The following SCGB2B2 variants were observed in gnomAD, a reference collection of about 807,000 sequenced individuals.
The protein encoded by SCGB2B2 is secretoglobin-like protein.
In SCGB2B2, 11 loss-of-function variants were observed where a neutral mutation model predicts 7.6. That is an observed-to-expected ratio of 1.45 (90% CI 0.91 to 2.40). The LOEUF is 2.40. Among genes scored for constraint, SCGB2B2 ranks in the 30% most tolerant of loss-of-function variants. SCGB2B2 has a pLI of 0.00. For missense variants in SCGB2B2, 104 were observed against 115.4 expected (o/e 0.90, Z 0.45); for synonymous variants, 50 against 48.6 (o/e 1.03, Z -0.12).
chr19:34,607,941 C>CT (rs915745954), intron 1 of SCGB2B2, among the ~76,000 whole-genome samples: 2 of 151,644 alleles, frequency 1.3e-5, no homozygotes, highest in East Asian at 1.9e-4. Flanking sequence ...GCTTTTTGAG[C>CT]TTTTTTGTGA....
intron 1 of SCGB2B2, among the ~76,000 whole-genome samples, chr19:34,598,006 C>T (rs1161919689): frequency 6.6e-6 from 1 of 152,012 alleles, no homozygotes; most frequent in East Asian, 1.9e-4. Flanking sequence ...GGGGAGACTG[C>T]TCCCACTGCT....
intron 1 of SCGB2B2, among the ~76,000 whole-genome samples, chr19:34,636,951 C>G (rs7253308): frequency 1.3e-5 from 2 of 152,048 alleles, no homozygotes; most frequent in Non-Finnish European, 2.9e-5. Context: ...GGGAAAGACA[C>G]GACAGGTGAG....
At chr19:34,629,689 T>C (rs1230680868) in intron 1 of SCGB2B2, among the ~76,000 whole-genome samples, 1 of 151,994 alleles carries the variant, frequency 6.6e-6, no homozygotes, top group African/African-American at 2.4e-5. Flanking sequence ...AATGGGCATA[T>C]TGCCCAAGGT....
At chr19:34,600,943 A>G (rs1353323626) in intron 1 of SCGB2B2, among the ~76,000 whole-genome samples, 2 of 135,148 alleles carry the variant, frequency 1.5e-5, no homozygotes, top group African/African-American at 5.4e-5. Context: ...GTGTGTGTGC[A>G]TTTTGTTTAT....
chr19:34,610,107 C>T (rs1275208266), intron 1 of SCGB2B2, among the ~76,000 whole-genome samples: 2 of 151,768 alleles, frequency 1.3e-5, no homozygotes, highest in Non-Finnish European at 2.9e-5. Context: ...TCTTCCTTTA[C>T]TAATTTGTTG....
intron 1 of SCGB2B2, among the ~76,000 whole-genome samples, chr19:34,644,367 T>TG (rs1273589126): frequency 2.0e-5 from 3 of 150,294 alleles, no homozygotes; most frequent in Non-Finnish European, 3.0e-5. Context: ...TTTTTGTTTT[T>TG]TTTTTTTTAC....
chr19:34,641,517 A>G (rs557694278), intron 1 of SCGB2B2, among the ~76,000 whole-genome samples: 1 of 152,324 alleles, frequency 6.6e-6, no homozygotes, highest in East Asian at 1.9e-4. Context: ...GGCTGTCTCC[A>G]TATCTTGAGT....
intron 1 of SCGB2B2, among the ~76,000 whole-genome samples, chr19:34,616,586 C>T: frequency 7.2e-6 from 1 of 139,574 alleles, no homozygotes; most frequent in African/African-American, 2.6e-5. Flanking sequence ...TGGATATTAG[C>T]CCTTTGTCAG....
chr19:34,662,967 A>C (rs1405949345), intron 1 of SCGB2B2, among the ~76,000 whole-genome samples: 5 of 152,114 alleles, frequency 3.3e-5, no homozygotes, highest in African/African-American at 9.7e-5. Flanking sequence ...AACAAAAAAA[A>C]ACAATAAAAG....
chr19:34,603,084 T>C (rs1225410925), intron 1 of SCGB2B2, among the ~76,000 whole-genome samples: 1 of 152,240 alleles, frequency 6.6e-6, no homozygotes, highest in Admixed American at 6.5e-5. Context: ...GAGGACTGCA[T>C]GGCCACCAGC....
At chr19:34,665,468 T>A (rs570627640) in intron 1 of SCGB2B2, among the ~76,000 whole-genome samples, 4 of 152,002 alleles carry the variant, frequency 2.6e-5, no homozygotes, top group African/African-American at 7.2e-5. Flanking sequence ...ATCCCCCATG[T>A]CCCCAAGGCT....
chr19:34,621,374 G>GT (rs1373677010), intron 1 of SCGB2B2, among the ~76,000 whole-genome samples: 1 of 152,006 alleles, frequency 6.6e-6, no homozygotes, highest in Non-Finnish European at 1.5e-5. Flanking sequence ...TTTTGAGTGG[G>GT]TTATATTCAC....
intron 1 of SCGB2B2, among the ~76,000 whole-genome samples, chr19:34,669,145 G>T (rs1266916410): frequency 6.6e-6 from 1 of 152,046 alleles, no homozygotes; most frequent in Non-Finnish European, 1.5e-5. Context: ...CAGACGCGCC[G>T]CCTTAAGAAC....
intron 1 of SCGB2B2, among the ~76,000 whole-genome samples, chr19:34,625,589 C>G (rs2066350735): frequency 6.6e-6 from 1 of 152,264 alleles, no homozygotes; most frequent in Admixed American, 6.5e-5. Context: ...CCTGCCATTG[C>G]CAAGGCTTGA....
intron 1 of SCGB2B2, among the ~76,000 whole-genome samples, chr19:34,605,684 T>C (rs1000219234): frequency 2.6e-5 from 4 of 152,130 alleles, no homozygotes; most frequent in African/African-American, 9.7e-5. Context: ...ACCTTCCAGG[T>C]TCAAGCAATT....
chr19:34,655,064 G>A (rs2067248423), intron 1 of SCGB2B2, among the ~76,000 whole-genome samples: 1 of 151,236 alleles, frequency 6.6e-6, no homozygotes, highest in Non-Finnish European at 1.5e-5. Flanking sequence ...ACTCATGCAG[G>A]ACATAGGACA....
intron 1 of SCGB2B2, among the ~76,000 whole-genome samples, chr19:34,651,070 T>G (rs1022328313): frequency 6.6e-6 from 1 of 151,280 alleles, no homozygotes; most frequent in Non-Finnish European, 1.5e-5. Flanking sequence ...GTAAAAACTC[T>G]TAACAAACTG....
At chr19:34,670,880 C>A (rs1354583943) in intron 1 of SCGB2B2, among the ~76,000 whole-genome samples, 1 of 152,120 alleles carries the variant, frequency 6.6e-6, no homozygotes, top group African/African-American at 2.4e-5. Flanking sequence ...TGAGTTAGTT[C>A]TTGAATATTG....
At chr19:34,629,914 G>T (rs930966609) in intron 1 of SCGB2B2, among the ~76,000 whole-genome samples, 7 of 151,902 alleles carry the variant, frequency 4.6e-5, no homozygotes, top group African/African-American at 1.4e-4. Context: ...CCAAAACAGA[G>T]ATATAGACCA....
Sources: gnomAD v4.1 joint callset for allele counts (sites outside exome capture counted in the v4.1 genomes callset) on GRCh38, gnomAD v4.1.1 for gene constraint, MANE v1.5 for transcripts, NCBI Gene and HGNC (gene_info 2026-07-23, HGNC 2026-07-21) for gene names.